PARD3: variants seen among roughly 807,000 people sequenced by gnomAD.
PARD3 encodes partitioning defective 3 homolog.
In PARD3, 75 loss-of-function variants were observed where a neutral mutation model predicts 155.4. The ratio of observed to expected loss-of-function variants is 0.48; its 90% CI spans 0.40 to 0.58. PARD3 has a LOEUF of 0.58. Ranked by LOEUF, PARD3 falls within the 20% of genes least tolerant of loss-of-function variation. The pLI is 0.00. For missense variants in PARD3, 1,642 were observed against 1,721.7 expected (o/e 0.95, Z 0.82); for synonymous variants, 576 against 610.5 (o/e 0.94, Z 0.83).
In PARD3 at chr10:34,815,136, G is replaced by A; in HGVS notation, c.-141C>T. ...GCTAGGGGCGCGGGCAGGCGGCGGC[G>A]ACGCCGGGGGGCCGCTCAGCTCGCA... On this transcript the variant is annotated 5_prime_UTR_variant, in exon 1 of 25. Coordinates refer to ENST00000374788, the MANE Select transcript of PARD3 (RefSeq NM_001184785.2). 1 of 242,932 alleles carries A rather than the reference G, an allele frequency of 4.1e-6. No individual in the cohort carries two copies. The highest frequency in any genetic ancestry group is 6.7e-6 in the Non-Finnish European group (1 of 150,116). The allele number at this position is 242,932 out of a possible 1,614,324, so 15.0% of individuals were successfully genotyped here.
intron 16 of PARD3, 54 bp from the exon 17 acceptor site, chr10:34,337,480 C>T (rs1485361716): frequency 3.2e-6 from 4 of 1,232,194 alleles, no homozygotes; most frequent in East Asian, 5.5e-5. Flanking sequence ...AGCACGCATC[C>T]ATTTTAGGGA....
At chr10:34,653,641 C>G (rs1377178533) in intron 2 of PARD3, among the ~76,000 whole-genome samples, 1 of 151,890 alleles carries the variant, frequency 6.6e-6, no homozygotes, top group East Asian at 1.9e-4. Context: ...TTGAAACTGC[C>G]AGGTGTGGTG....
At position 34,343,702 on chromosome 10, in the gene PARD3, G is replaced by C. The variant is rs529727578; in HGVS notation, c.2219-1886C>G. 3 of 984,354 alleles carry C rather than the reference G, an allele frequency of 3.0e-6. No individual in the cohort carries two copies. In the Admixed American group the frequency reaches 1.8e-4, roughly 61 times the overall value. 61.0% of individuals were successfully genotyped at this position (984,354 alleles called of 1,614,324 possible). A position where few individuals can be genotyped will look rare whatever the true frequency, so the allele number is the denominator to read the frequency against. Reference sequence around the variant, plus strand: ...GACAATACAATGATCCCTTAATTATGTTTGCTAGTAGTTGGTACATCATAA... The same window carrying C: ...GACAATACAATGATCCCTTAATTATCTTTGCTAGTAGTTGGTACATCATAA... On this transcript the variant is annotated intron_variant, in intron 15 of 24. Transcript: ENST00000374788.
chr10:34,725,146 T>A (rs35798171), intron 1 of PARD3, among the ~76,000 whole-genome samples: 4 of 101,410 alleles, frequency 3.9e-5, no homozygotes, highest in Non-Finnish European at 6.7e-5. Flanking sequence ...TGTGTGTGTG[T>A]GTGTGACAGA....
At chr10:34,537,829 T>C (rs2083325407) in intron 2 of PARD3, among the ~76,000 whole-genome samples, 1 of 152,218 alleles carries the variant, frequency 6.6e-6, no homozygotes, top group South Asian at 2.1e-4. Context: ...GATTAGACAA[T>C]TAACATCCAG....
intron 2 of PARD3, among the ~76,000 whole-genome samples, chr10:34,604,572 A>C (rs894652608): frequency 6.8e-6 from 1 of 148,128 alleles, no homozygotes; most frequent in East Asian, 1.9e-4. Context: ...TCCTTTATTT[A>C]TATATATATA....
At chr10:34,708,278 AAAAGTC>A (rs2094398117) in intron 1 of PARD3, among the ~76,000 whole-genome samples, 1 of 152,106 alleles carries the variant, frequency 6.6e-6, no homozygotes, top group Non-Finnish European at 1.5e-5. Context: ...AAAAAAAAAA[AAAAGTC>A]CACTTCGTCT....
intron 3 of PARD3, among the ~76,000 whole-genome samples, chr10:34,479,235 C>T (rs1454441698): frequency 6.7e-6 from 1 of 149,418 alleles, no homozygotes; most frequent in East Asian, 2.0e-4. Context: ...AATCTTGGCT[C>T]ACTGCAAGCT....
intron 21 of PARD3, among the ~76,000 whole-genome samples, chr10:34,272,454 C>A (rs922754065): frequency 6.6e-6 from 1 of 152,098 alleles, no homozygotes; most frequent in Admixed American, 6.6e-5. Context: ...AAACAGTCAG[C>A]CTTCTCGGCT....
At chr10:34,269,228 T>C (rs1480816762) in intron 22 of PARD3, among the ~76,000 whole-genome samples, 1 of 152,162 alleles carries the variant, frequency 6.6e-6, no homozygotes. Context: ...TATAAAGTTA[T>C]GCTGCCTAAA....
rs533050530 is a variant in PARD3, at chr10:34,809,588, A to G, written c.120+5288T>C. ...GAAGAAACAGAAAATGCCAGAACAGAGGCAGCAAAGTGTATGTGAGTCCCA... is the reference window on the plus strand; with the variant it reads ...GAAGAAACAGAAAATGCCAGAACAGGGGCAGCAAAGTGTATGTGAGTCCCA... On this transcript the variant is annotated intron_variant, in intron 1 of 24. Transcript: ENST00000374788. 5.3e-5 allele frequency among the ~76,000 whole-genome samples: 8 copies of G among 152,326 alleles called. No individual in the cohort carries two copies. In the East Asian group the frequency reaches 1.5e-3, roughly 29 times the overall value.
At chr10:34,677,515 G>C (rs2093731396) in intron 2 of PARD3, among the ~76,000 whole-genome samples, 1 of 151,158 alleles carries the variant, frequency 6.6e-6, no homozygotes, top group South Asian at 2.1e-4. Context: ...AAAACTGCAA[G>C]ATTTAGCAGA....
chr10:34,771,373 A>T (rs1437406256), intron 1 of PARD3, among the ~76,000 whole-genome samples: 1 of 152,138 alleles, frequency 6.6e-6, no homozygotes. Flanking sequence ...CCCACACAGG[A>T]TCACTGTGAG....
intron 24 of PARD3, among the ~76,000 whole-genome samples, chr10:34,116,863 C>T (rs911987358): frequency 1.3e-5 from 2 of 152,226 alleles, no homozygotes; most frequent in Non-Finnish European, 2.9e-5. Context: ...TGCAACCCTC[C>T]TCTGCGTGTA....
chr10:34,683,140 G>C (rs1447899958), intron 2 of PARD3, among the ~76,000 whole-genome samples: 2 of 152,130 alleles, frequency 1.3e-5, no homozygotes, highest in Non-Finnish European at 2.9e-5. Flanking sequence ...AACTGACACA[G>C]AAAGGTGAAC....
chr10:34,113,496 A>AAC lies in PARD3; in HGVS notation c.3669-1936_3669-1935dup, dbSNP rs58408464. On this transcript the variant is annotated intron_variant, in intron 24 of 24. Transcript: ENST00000374788. ...GTGGGTAAAATGCACATAAGACAGA[A>AAC]ACACACACACACACACACACACACA... 7.9e-3 allele frequency among the ~76,000 whole-genome samples: 1,167 copies of AAC among 148,110 alleles called. 14 individuals are homozygous for AAC. Among genetic ancestry groups the AAC allele is most frequent in the East Asian group, 0.039 (198 of 5,046 alleles).
intron 22 of PARD3, among the ~76,000 whole-genome samples, chr10:34,181,585 G>C (rs1246374694): frequency 6.6e-6 from 1 of 152,092 alleles, no homozygotes; most frequent in African/African-American, 2.4e-5. Flanking sequence ...CTCAATATGT[G>C]TTGAGTAGAT....
chr10:34,174,162 C>T (rs759704336), intron 22 of PARD3, among the ~76,000 whole-genome samples: 11 of 152,314 alleles, frequency 7.2e-5, no homozygotes, highest in Non-Finnish European at 1.3e-4. Context: ...ACGTGGCCAA[C>T]TAGAAACACA....
intron 19 of PARD3, among the ~76,000 whole-genome samples, chr10:34,326,291 AC>A (rs1564588199): frequency 6.6e-6 from 1 of 152,132 alleles, no homozygotes. Context: ...ATGATCAGAA[AC>A]CTCCTAAAAA....
Sources: allele counts gnomAD v4.1 joint callset (sites outside exome capture counted in the v4.1 genomes callset), GRCh38; gene constraint gnomAD v4.1.1; transcripts MANE v1.5; gene names NCBI Gene and HGNC (gene_info 2026-07-23, HGNC 2026-07-21).